Variants in CAMTA1 observed in about 807,000 individuals in gnomAD.
The protein encoded by CAMTA1 is calmodulin-binding transcription activator 1.
In CAMTA1, 27 loss-of-function variants were observed where a neutral mutation model predicts 170.9. That is an observed-to-expected ratio of 0.16 (90% confidence interval 0.12 to 0.22). The LOEUF (loss-of-function observed/expected upper bound fraction) is 0.22. Among genes scored for constraint, CAMTA1 ranks in the 10% least tolerant of loss-of-function variants. The pLI is 1.00. For missense variants in CAMTA1, 1,619 were observed against 2,217.2 expected (o/e 0.73, Z 5.42); for synonymous variants, 833 against 891.5 (o/e 0.93, Z 1.17).
rs760881832 is a variant in CAMTA1, at chr1:6,807,134, G to C, written c.46-13047G>C. On this transcript the variant is annotated intron_variant, in intron 1 of 22. Coordinates refer to ENST00000303635, the MANE Select transcript of CAMTA1 (RefSeq NM_015215.4). Reference sequence around the variant, plus strand: ...AGGGATTTGACTAATCTGCAAGGTTGGGGGAGGCTTCTTGAGAGCTCTGGA... The same window carrying C: ...AGGGATTTGACTAATCTGCAAGGTTCGGGGAGGCTTCTTGAGAGCTCTGGA... 41 of 506,924 alleles carry C rather than the reference G, an allele frequency of 8.1e-5. No homozygotes were observed. The South Asian group carries it at 1.2e-3, about 15-fold the overall frequency. 31.4% of individuals were successfully genotyped at this position (506,924 alleles called of 1,614,324 possible).
Position 7,663,579 on chromosome 1 carries a change from C to T in CAMTA1, c.1032C>T (p.Ser344=), listed in dbSNP as rs755604229. 6.2e-7 allele frequency: 1 copy of T among 1,613,934 alleles called. No homozygotes were observed. ...TGCACCAGAGCAGCACCGAGGTCTC[C>T]TCCACCAACCAGGTGGAAGTCCCCG... The part of the protein sequence containing the change: ...VLLHQSSTEV[S]STNQVEVPDT... Residue 344 remains serine, a synonymous_variant, in exon 9 of 23, where the codon TCC becomes TCT. Transcript: ENST00000303635.
rs2095327019 is a variant in CAMTA1 at position 7,588,227 on chromosome 1, C to CTGTG, written c.511-52172_511-52169dup. 6.6e-6 allele frequency among the ~76,000 whole-genome samples: 1 copy of CTGTG among 152,116 alleles called. No homozygotes were observed. Among genetic ancestry groups the CTGTG allele is most frequent in the South Asian group, 2.1e-4 (1 of 4,830 alleles). ...AAAATCCCTACCCCAGGACAAGCTC[C>CTGTG]TGTGGCCAGACAACCCCCGCCCCAG... On this transcript the variant is annotated intron_variant, in intron 6 of 22. Coordinates refer to ENST00000303635, the MANE Select transcript of CAMTA1 (RefSeq NM_015215.4). This position sits in a 1 kb window ranked among gnomAD's most constrained non-coding sequence, Gnocchi z 5.8.
chr1:7,152,324 G>A (rs1646623415), intron 4 of CAMTA1, among the ~76,000 whole-genome samples: 1 of 152,162 alleles, frequency 6.6e-6, no homozygotes, highest in Non-Finnish European at 1.5e-5. Flanking sequence ...TCTCCTTAGA[G>A]TGGCTTAAAG....
chr1:7,331,303 C>G (rs1431040462), intron 5 of CAMTA1, among the ~76,000 whole-genome samples: 1 of 152,116 alleles, frequency 6.6e-6, no homozygotes, highest in African/African-American at 2.4e-5. Context: ...GGAGAGCGAG[C>G]CTATGGGGCC....
intron 3 of CAMTA1, among the ~76,000 whole-genome samples, chr1:6,981,002 C>A (rs1572193978): frequency 6.6e-6 from 1 of 151,980 alleles, no homozygotes; most frequent in Non-Finnish European, 1.5e-5. Context: ...AGTTCTGTTA[C>A]AGAATTCAGA....
intron 6 of CAMTA1, among the ~76,000 whole-genome samples, chr1:7,510,657 C>T (rs1249538142): frequency 1.4e-5 from 2 of 146,328 alleles, no homozygotes; most frequent in African/African-American, 4.9e-5. Context: ...TGATGAAATT[C>T]TTGGGGCGAG....
chr1:7,259,412 C>G lies in CAMTA1; in HGVS notation c.438+9786C>G, dbSNP rs761307416. 7.9e-5 allele frequency among the ~76,000 whole-genome samples: 12 copies of G among 152,180 alleles called. No homozygotes were observed. In the East Asian group the frequency reaches 1.9e-3, roughly 25 times the overall value. On this transcript the variant is annotated intron_variant, in intron 5 of 22. Transcript: ENST00000303635. The stretch of plus-strand genomic sequence containing the variant: ...CAAAGATTGGTATGTTCAGCATCAC[C>G]CAGGGGGTATTAGAAGTGCAGAATT...
Position 7,592,026 on chromosome 1 carries a change from G to A in CAMTA1, c.511-48374G>A, listed in dbSNP as rs2095359161. ...TGATTCTCCTGCCTCAGCCTCCTAA[G>A]TAGCTGGGATTACAGGTGCATGCCA... is the stretch of plus-strand genomic sequence containing the variant. On this transcript the variant is annotated intron_variant, in intron 6 of 22. Coordinates refer to ENST00000303635, the MANE Select transcript of CAMTA1 (RefSeq NM_015215.4). The surrounding 1 kb of genome is among the most constrained non-coding windows in gnomAD (Gnocchi z 4.6). Among the ~76,000 whole-genome samples, 2 of 152,152 alleles carry A rather than the reference G, an allele frequency of 1.3e-5. No individual in the cohort carries two copies. Among genetic ancestry groups the A allele is most frequent in the South Asian group, 4.1e-4 (2 of 4,826 alleles).
chr1:7,493,284 C>T (rs1166960446), intron 6 of CAMTA1, among the ~76,000 whole-genome samples: 1 of 116,262 alleles, frequency 8.6e-6, no homozygotes, highest in Non-Finnish European at 1.6e-5. Context: ...AACATACACG[C>T]GCACAAACAC....
At position 6,965,735 on chromosome 1, in the gene CAMTA1, T is replaced by G. The variant is rs1198012728; in HGVS notation, c.235-125569T>G. Among the ~76,000 whole-genome samples the G allele has an allele frequency of 1.3e-5, 2 of 152,204 alleles. No individual in the cohort carries two copies. Among genetic ancestry groups the G allele is most frequent in the Non-Finnish European group, 2.9e-5 (2 of 68,032 alleles). ...GAGAACATTTTCGCTTTGGGAGTTA[T>G]TAGAGTTAGTGCCGGTTGTGACAAA... On this transcript the variant is annotated intron_variant, in intron 3 of 22. Transcript: ENST00000303635. The surrounding 1 kb of genome is among the most constrained non-coding windows in gnomAD (Gnocchi z 4.1).
In CAMTA1 at chr1:7,662,016, GCA is replaced by G. The variant is rs1031364749; in HGVS notation, c.805+153_805+154del. The G allele has an allele frequency of 4.4e-5, 42 of 964,436 alleles. No individual in the cohort carries two copies. The African/African-American group carries it at 6.6e-4, about 15-fold the overall frequency. 59.7% of individuals were successfully genotyped at this position (964,436 alleles called of 1,614,324 possible). A position where few individuals can be genotyped will look rare whatever the true frequency, so the allele number is the denominator to read the frequency against. On this transcript the variant is annotated intron_variant, in intron 8 of 22. Coordinates refer to ENST00000303635, the MANE Select transcript of CAMTA1 (RefSeq NM_015215.4). ...GGACTGGGCGACACCACCGCACCCAGCACAGACACAAGGCAGGCCTTCCGCCT... is the reference window on the plus strand; with the variant it reads ...GGACTGGGCGACACCACCGCACCCAGCAGACACAAGGCAGGCCTTCCGCCT...
chr1:7,161,379 T>G (rs1647203676), intron 4 of CAMTA1, among the ~76,000 whole-genome samples: 1 of 152,162 alleles, frequency 6.6e-6, no homozygotes, highest in Non-Finnish European at 1.5e-5. Flanking sequence ...TTTCCTTCAC[T>G]CATGCAGCAA....
rs766319177 is a variant in CAMTA1, at chr1:7,737,541, G to A, written c.3629G>A (p.Gly1210Glu). The A allele has an allele frequency of 3.7e-6, 6 of 1,612,480 alleles. No individual in the cohort carries two copies. Among genetic ancestry groups the A allele is most frequent in the South Asian group, 1.1e-5 (1 of 91,018 alleles). ...EAISSPEIPK[G>E]VTVIASTNPE... The stretch of plus-strand genomic sequence containing the variant: ...ATCAGCTCTCCAGAAATACCCAAGG[G>A]AGTCACTGTTATTGCAAGCACCAAC... The change falls in exon 15 of 23, where the codon GGA (glycine) becomes GAA (glutamate). Residue 1210 changes from glycine (G) to glutamate (E), a missense_variant. By Grantham distance (98) the Gly-to-Glu change is moderately conservative. Coordinates refer to ENST00000303635, the MANE Select transcript of CAMTA1 (RefSeq NM_015215.4).
rs963572578 is a variant in CAMTA1 at position 7,641,718 on chromosome 1, C to T, written c.664+1165C>T. Among the ~76,000 whole-genome samples the T allele has an allele frequency of 6.6e-6, 1 of 152,150 alleles. No homozygotes were observed. Among genetic ancestry groups the T allele is most frequent in the Non-Finnish European group, 1.5e-5 (1 of 68,014 alleles). ...AGGACCACAAGACTGAGCTTCCTCA[C>T]GTGTCGTCCTTTGAGCCAAGTACCC... On this transcript the variant is annotated intron_variant, in intron 7 of 22. Coordinates refer to ENST00000303635, the MANE Select transcript of CAMTA1 (RefSeq NM_015215.4). The surrounding 1 kb of genome is among the most constrained non-coding windows in gnomAD (Gnocchi z 4.5).
Position 7,629,027 on chromosome 1 carries a change from G to T in CAMTA1, c.511-11373G>T, listed in dbSNP as rs748500107. On this transcript the variant is annotated intron_variant, in intron 6 of 22. Transcript: ENST00000303635. ...CCTTTGCCCTACAGGAGTTCCCTGT[G>T]CCCCTGCGAAAGGCCCATGGCTTCT... is the stretch of plus-strand genomic sequence containing the variant. Among the ~76,000 whole-genome samples, 66 of 152,212 alleles carry T rather than the reference G, an allele frequency of 4.3e-4. 2 individuals are homozygous for T. Among genetic ancestry groups the T allele is most frequent in the South Asian group, 1.2e-3 (6 of 4,832 alleles).
At chr1:6,901,239 TAACTC>T (rs1330265958) in intron 3 of CAMTA1, among the ~76,000 whole-genome samples, 1 of 152,198 alleles carries the variant, frequency 6.6e-6, no homozygotes, top group South Asian at 2.1e-4. Context: ...ATATAAAAAT[TAACTC>T]AAAGTGGATC....
At chr1:7,555,202 G>A (rs1447897032) in intron 6 of CAMTA1, among the ~76,000 whole-genome samples, 4 of 152,136 alleles carry the variant, frequency 2.6e-5, no homozygotes, top group African/African-American at 7.2e-5. Context: ...CACAGAGCTC[G>A]CCCTTTTTTA....
chr1:7,407,992 C>T (rs1209036649), intron 5 of CAMTA1, among the ~76,000 whole-genome samples: 1 of 152,160 alleles, frequency 6.6e-6, no homozygotes, highest in Non-Finnish European at 1.5e-5. Context: ...AACACCAATG[C>T]AAGCAGAGAG....
intron 2 of CAMTA1, among the ~76,000 whole-genome samples, chr1:6,820,546 C>T (rs1217541788): frequency 6.6e-6 from 1 of 152,128 alleles, no homozygotes; most frequent in Non-Finnish European, 1.5e-5. Context: ...TTCTAGTGTC[C>T]AATACCAGGT....
Sources: gnomAD v4.1 joint callset for allele counts (sites outside exome capture counted in the v4.1 genomes callset) on GRCh38, gnomAD v4.1.1 for gene constraint, Gnocchi (gnomAD v3.1) non-coding constraint, MANE v1.5 for transcripts, NCBI Gene and HGNC (gene_info 2026-07-23, HGNC 2026-07-21) for gene names.